The following PTPRN2 variants were observed in gnomAD, a reference collection of about 807,000 sequenced individuals.
The protein encoded by PTPRN2 is protein tyrosine phosphatase receptor type N2.
Under a neutral mutation model 118.8 loss-of-function variants are expected in PTPRN2, and 74 were observed. That is an observed-to-expected ratio of 0.62 (90% CI 0.52 to 0.76). The LOEUF is 0.76. Among genes scored for constraint, PTPRN2 ranks in the 30% least tolerant of loss-of-function variants. The pLI is 0.00. For missense variants in PTPRN2, 1,481 were observed against 1,394.4 expected (o/e 1.06, Z -0.99); for synonymous variants, 641 against 608.0 (o/e 1.05, Z -0.80).
chr7:157,790,898 T>C (rs1804445784), intron 12 of PTPRN2, among the ~76,000 whole-genome samples: 1 of 152,182 alleles, frequency 6.6e-6, no homozygotes, highest in Non-Finnish European at 1.5e-5. Flanking sequence ...AGACATTCCG[T>C]TCTGTAATGA....
chr7:158,388,910 C>G (rs1042748231), intron 2 of PTPRN2, among the ~76,000 whole-genome samples: 3 of 152,208 alleles, frequency 2.0e-5, no homozygotes, highest in Non-Finnish European at 1.5e-5. Context: ...TACAAAACTT[C>G]TTTTTCACCC....
intron 3 of PTPRN2, among the ~76,000 whole-genome samples, chr7:158,275,511 C>T (rs951572119): frequency 1.3e-5 from 2 of 152,148 alleles, no homozygotes; most frequent in Non-Finnish European, 2.9e-5. Flanking sequence ...TGAATAAAGG[C>T]GTCGCCCAGA....
chr7:157,636,948 G>A (rs1804357338), intron 14 of PTPRN2, among the ~76,000 whole-genome samples: 1 of 152,174 alleles, frequency 6.6e-6, no homozygotes, highest in South Asian at 2.1e-4. Flanking sequence ...CTTTGATGAG[G>A]AAGAGAAATC....
chr7:158,072,670 C>T (rs1812034753), intron 11 of PTPRN2, among the ~76,000 whole-genome samples: 1 of 152,116 alleles, frequency 6.6e-6, no homozygotes, highest in South Asian at 2.1e-4. Context: ...AGGAACTTTC[C>T]TGGGCTCACC....
rs534660349 is a variant in PTPRN2 at position 157,741,037 on chromosome 7, C to T, written c.1789-58100G>A. Among the ~76,000 whole-genome samples, 132 of 152,224 alleles carry T rather than the reference C, an allele frequency of 8.7e-4. No individual in the cohort carries two copies. In the South Asian group the frequency reaches 0.012, roughly 13 times the overall value. ...CTCTCCATTTCAGATGCTACTGAAA[C>T]GAGCAACAAGGGAAGGGGGGAGATG... On this transcript the variant is annotated intron_variant, in intron 12 of 22. Coordinates refer to ENST00000389418, the MANE Select transcript of PTPRN2 (RefSeq NM_002847.5).
At chr7:158,131,751 A>T (rs555600627) in intron 9 of PTPRN2, among the ~76,000 whole-genome samples, 78 of 151,766 alleles carry the variant, frequency 5.1e-4, no homozygotes, top group Non-Finnish European at 6.5e-4. Context: ...ATACACACAC[A>T]TGCACATACG....
chr7:158,150,405 C>A (rs141088089), intron 6 of PTPRN2, among the ~76,000 whole-genome samples: 1 of 152,190 alleles, frequency 6.6e-6, no homozygotes, highest in Non-Finnish European at 1.5e-5. Flanking sequence ...CTGAGATGTC[C>A]ACCCTCAGCA....
intron 3 of PTPRN2, among the ~76,000 whole-genome samples, chr7:158,314,745 CTTTG>C (rs1169598955): frequency 6.6e-6 from 1 of 152,270 alleles, no homozygotes; most frequent in Admixed American, 6.5e-5. Flanking sequence ...GTGACTTGGG[CTTTG>C]TTTGTGGGTG....
chr7:158,145,189 T>C (rs1001808053), intron 6 of PTPRN2, among the ~76,000 whole-genome samples: 1 of 151,380 alleles, frequency 6.6e-6, no homozygotes, highest in Non-Finnish European at 1.5e-5. Context: ...GGTTCCAGAA[T>C]ACCACAGCTC....
At chr7:157,817,936 G>A (rs1197270509) in intron 12 of PTPRN2, among the ~76,000 whole-genome samples, 1 of 151,940 alleles carries the variant, frequency 6.6e-6, no homozygotes, top group East Asian at 1.9e-4. Context: ...TGTATGTATG[G>A]TGTATATGTG....
chr7:158,403,367 C>G (rs1813090846), intron 2 of PTPRN2, among the ~76,000 whole-genome samples: 1 of 152,250 alleles, frequency 6.6e-6, no homozygotes, highest in Non-Finnish European at 1.5e-5. Flanking sequence ...CACCAGGCTG[C>G]AGGCAGGAGT....
Position 157,893,186 on chromosome 7 carries a change from G to A in PTPRN2, c.1788+5487C>T, listed in dbSNP as rs1796903194. On this transcript the variant is annotated intron_variant, in intron 12 of 22. Transcript: ENST00000389418. The surrounding 1 kb of genome is among the most constrained non-coding windows in gnomAD (Gnocchi z 4.0). ...GCTCCTTGTGGCCAGATCGTAACCAGTGGGTGAAATAAACACTCTAGCGTT... is the reference window on the plus strand; with the variant it reads ...GCTCCTTGTGGCCAGATCGTAACCAATGGGTGAAATAAACACTCTAGCGTT... Among the ~76,000 whole-genome samples, 1 of 152,222 alleles carries A rather than the reference G, an allele frequency of 6.6e-6. No homozygotes were observed. Among genetic ancestry groups the A allele is most frequent in the African/African-American group, 2.4e-5 (1 of 41,464 alleles).
intron 3 of PTPRN2, among the ~76,000 whole-genome samples, chr7:158,290,589 G>A (rs1003587030): frequency 2.0e-5 from 3 of 152,170 alleles, no homozygotes; most frequent in African/African-American, 4.8e-5. Flanking sequence ...GGTTTAACTT[G>A]GTTGGTGGGG....
Position 157,619,790 on chromosome 7 carries a change from G to A in PTPRN2, c.2344+1572C>T, listed in dbSNP as rs560193837. Among the ~76,000 whole-genome samples, 43 of 152,202 alleles carry A rather than the reference G, an allele frequency of 2.8e-4. 1 individual carries two copies. Among genetic ancestry groups the A allele is most frequent in the Non-Finnish European group, 3.7e-4 (25 of 68,028 alleles). ...TGACCTGTAACACTTCCTGAGGGCT[G>A]GAAGGAGGGCAAGGGCAGTGCCTCT... On this transcript the variant is annotated intron_variant, in intron 15 of 22. Coordinates refer to ENST00000389418, the MANE Select transcript of PTPRN2 (RefSeq NM_002847.5). This position sits in a 1 kb window ranked among gnomAD's most constrained non-coding sequence, Gnocchi z 5.3.
chr7:158,173,213 A>G (rs568530944), intron 5 of PTPRN2, among the ~76,000 whole-genome samples: 5 of 152,162 alleles, frequency 3.3e-5, no homozygotes, highest in African/African-American at 4.8e-5. Context: ...CAATAGCAGC[A>G]TCCCCACCAT....
intron 12 of PTPRN2, among the ~76,000 whole-genome samples, chr7:157,839,427 CTGTG>C (rs1239812962): frequency 1.3e-5 from 2 of 149,838 alleles, no homozygotes; most frequent in African/African-American, 2.5e-5. Flanking sequence ...GTGAGAGAGA[CTGTG>C]TGTGTGTCTG....
intron 12 of PTPRN2, chr7:157,738,928 G>C (rs1278221666): frequency 6.6e-6 from 1 of 152,240 alleles, no homozygotes; most frequent in Non-Finnish European, 1.5e-5. Flanking sequence ...GGAGAGAGGG[G>C]TGCAGCCCAG....
chr7:158,275,491 G>A (rs1252415970), intron 3 of PTPRN2, among the ~76,000 whole-genome samples: 3 of 152,096 alleles, frequency 2.0e-5, no homozygotes, highest in Non-Finnish European at 4.4e-5. Flanking sequence ...TAAAACTGGC[G>A]TGCACCCCAT....
chr7:158,425,992 G>T (rs577993662), intron 2 of PTPRN2, among the ~76,000 whole-genome samples: 1 of 86,700 alleles, frequency 1.2e-5, no homozygotes, highest in Non-Finnish European at 2.2e-5. Flanking sequence ...TGGGGCCTGC[G>T]CACCGCCGGG....
Sources: gnomAD v4.1 joint callset for allele counts (sites outside exome capture counted in the v4.1 genomes callset) on GRCh38, gnomAD v4.1.1 for gene constraint, Gnocchi (gnomAD v3.1) non-coding constraint, MANE v1.5 for transcripts, NCBI Gene and HGNC (gene_info 2026-07-23, HGNC 2026-07-21) for gene names.